TASP1: variants seen among roughly 807,000 people sequenced by gnomAD.
TASP1 encodes taspase 1.
A neutral mutation model predicts 56.6 loss-of-function variants in TASP1; 16 were observed. That is an observed-to-expected ratio of 0.28 (90% confidence interval 0.19 to 0.43). The LOEUF (loss-of-function observed/expected upper bound fraction) is 0.43, where lower values mean the gene tolerates loss of function less well. Ranked by LOEUF, TASP1 falls within the 20% of genes least tolerant of loss-of-function variation. The pLI is 1.00. For synonymous variants in TASP1, 179 were observed against 184.2 expected (o/e 0.97, Z 0.23); for missense variants, 393 against 511.6 (o/e 0.77, Z 2.24).
At chr20:13,208,192 T>G in the TASP1 span, among the ~76,000 whole-genome samples, 10 of 152,146 alleles carry the variant, frequency 6.6e-5, no homozygotes, top group African/African-American at 2.2e-4. Context: ...AGTAAACAAC[T>G]TCCTTATGGG....
intron 11 of TASP1, among the ~76,000 whole-genome samples, chr20:13,467,963 GCGAGGTTGCAC>G (rs140094640): frequency 0.36 from 54,424 of 151,664 alleles, 10,544 homozygotes; most frequent in Non-Finnish European, 0.43. Flanking sequence ...GTTCAGTGAG[GCGAGGTTGCAC>G]CATTGCATTC....
chr20:13,408,795 G>A lies in TASP1; in HGVS notation c.1170+8653C>T, dbSNP rs74271490. Among the ~76,000 whole-genome samples, 331 of 152,146 alleles carry A rather than the reference G, an allele frequency of 2.2e-3. 9 individuals carry two copies. In the East Asian group the frequency reaches 0.048, roughly 22 times the overall value. The stretch of plus-strand genomic sequence containing the variant: ...GTTGAAATAAAGTTAGCCACTTAAT[G>A]CCTACAGAATCGGTGAATGCATTAC... On this transcript the variant is annotated intron_variant, in intron 13 of 13. Coordinates refer to ENST00000337743, the MANE Select transcript of TASP1 (RefSeq NM_017714.3).
intron 11 of TASP1, among the ~76,000 whole-genome samples, chr20:13,444,939 G>A (rs1202380969): frequency 6.6e-6 from 1 of 152,124 alleles, no homozygotes; most frequent in Non-Finnish European, 1.5e-5. Flanking sequence ...ATCACTGTGT[G>A]CCATTTTCTG....
intron 4 of TASP1, among the ~76,000 whole-genome samples, chr20:13,591,625 C>G (rs1321405248): frequency 1.3e-5 from 2 of 152,126 alleles, no homozygotes; most frequent in Non-Finnish European, 1.5e-5. Flanking sequence ...ACATGTAAAT[C>G]TGGGATATGC....
chr20:13,209,361 G>A, the TASP1 span, among the ~76,000 whole-genome samples: 1 of 152,158 alleles, frequency 6.6e-6, no homozygotes, highest in Admixed American at 6.6e-5. Flanking sequence ...TTAATGTACT[G>A]TAGGTTGCAT....
At chr20:13,311,764 G>T in the TASP1 span, among the ~76,000 whole-genome samples, 2 of 152,196 alleles carry the variant, frequency 1.3e-5, no homozygotes, top group Non-Finnish European at 2.9e-5. Context: ...GAGTAGAATG[G>T]TAGTAACCAG....
the TASP1 span, among the ~76,000 whole-genome samples, chr20:13,364,822 C>G: frequency 6.6e-6 from 1 of 152,224 alleles, no homozygotes; most frequent in Admixed American, 6.5e-5. Flanking sequence ...AAGTGTATTC[C>G]TCATGTCTTG....
chr20:13,394,522 G>C (rs1367647074), intron 13 of TASP1, among the ~76,000 whole-genome samples: 1 of 151,956 alleles, frequency 6.6e-6, no homozygotes, highest in East Asian at 1.9e-4. Context: ...TGAGGCTGGA[G>C]AATGGTGTGA....
intron 10 of TASP1, among the ~76,000 whole-genome samples, chr20:13,506,490 T>C (rs6134897): frequency 0.2 from 30,514 of 152,128 alleles, 3,312 homozygotes; most frequent in Middle Eastern, 0.28. Context: ...GCAAAAATTC[T>C]CAATAAAATA....
At chr20:13,390,516 C>A in intron 13 of TASP1, 64 bp from the exon 14 acceptor site, 1 of 1,463,894 alleles carries the variant, frequency 6.8e-7, no homozygotes, top group South Asian at 1.2e-5. Flanking sequence ...CACACCCCTA[C>A]CCGTGTCCAA....
At chr20:13,115,914 AG>A in the TASP1 span, among the ~76,000 whole-genome samples, 1 of 152,216 alleles carries the variant, frequency 6.6e-6, no homozygotes, top group African/African-American at 2.4e-5. Flanking sequence ...CCAAGCTCAC[AG>A]TTAGTAAGCT....
At chr20:13,201,024 G>A in the TASP1 span, among the ~76,000 whole-genome samples, 1 of 152,174 alleles carries the variant, frequency 6.6e-6, no homozygotes, top group Non-Finnish European at 1.5e-5. Flanking sequence ...GCATAGTTGT[G>A]AACAAAACTG....
At chr20:13,153,833 G>T in the TASP1 span, among the ~76,000 whole-genome samples, 19 of 152,184 alleles carry the variant, frequency 1.2e-4, no homozygotes, top group Non-Finnish European at 2.5e-4. Flanking sequence ...TAGTACCTGG[G>T]CATCAGTGCC....
intron 11 of TASP1, among the ~76,000 whole-genome samples, chr20:13,446,679 G>GA (rs1285472941): frequency 1.3e-5 from 2 of 151,768 alleles, no homozygotes; most frequent in East Asian, 3.9e-4. Flanking sequence ...ATAAAGTCAC[G>GA]AAAAAAAGTT....
chr20:13,573,454 C>T (rs2046787165), intron 6 of TASP1, among the ~76,000 whole-genome samples: 2 of 152,172 alleles, frequency 1.3e-5, no homozygotes, highest in South Asian at 4.1e-4. Flanking sequence ...TATAAGCTAA[C>T]TAGTTTATGA....
chr20:13,200,761 T>C, the TASP1 span, among the ~76,000 whole-genome samples: 1 of 152,224 alleles, frequency 6.6e-6, no homozygotes, highest in Non-Finnish European at 1.5e-5. Flanking sequence ...TTCCACCTAA[T>C]CTGGATTATG....
chr20:13,121,503 CT>C, the TASP1 span, among the ~76,000 whole-genome samples: 1 of 152,198 alleles, frequency 6.6e-6, no homozygotes, highest in Non-Finnish European at 1.5e-5. Context: ...TGCCCTTGAA[CT>C]TCAGGCCTGT....
At chr20:13,227,513 C>CT in the TASP1 span, among the ~76,000 whole-genome samples, 257 of 115,424 alleles carry the variant, frequency 2.2e-3, no homozygotes, top group East Asian at 0.01. Flanking sequence ...CAACTTTTTT[C>CT]TTTTTTTTTT....
chr20:13,385,251 C>T (rs1426884363), downstream of TASP1, among the ~76,000 whole-genome samples: 2 of 152,248 alleles, frequency 1.3e-5, no homozygotes, highest in African/African-American at 2.4e-5. Flanking sequence ...CTACCGTTAA[C>T]ACCATTCCAG....
Sources: gnomAD v4.1 joint callset for allele counts (sites outside exome capture counted in the v4.1 genomes callset) on GRCh38, gnomAD v4.1.1 for gene constraint, MANE v1.5 for transcripts, NCBI Gene and HGNC (gene_info 2026-07-23, HGNC 2026-07-21) for gene names.